CDYL2: variants seen among roughly 807,000 people sequenced by gnomAD.
The protein encoded by CDYL2 is chromodomain Y like 2.
Under a neutral mutation model 49.4 loss-of-function variants are expected in CDYL2, and 23 were observed. That is an observed-to-expected ratio of 0.47 (90% CI 0.34 to 0.66). The LOEUF (loss-of-function observed/expected upper bound fraction) is 0.66. Ranked by LOEUF, CDYL2 falls within the 30% of genes least tolerant of loss-of-function variation. CDYL2 has a pLI of 0.01. For synonymous variants in CDYL2, 360 were observed against 268.8 expected (o/e 1.34, Z -3.32); for missense variants, 678 against 656.4 (o/e 1.03, Z -0.36).
chr16:80,709,328 G>A (rs1352079506), intron 1 of CDYL2, among the ~76,000 whole-genome samples: 2 of 147,760 alleles, frequency 1.4e-5, no homozygotes, highest in Non-Finnish European at 2.9e-5. Context: ...GTTGCAGTGA[G>A]CCAAGATCGT....
At chr16:80,617,839 C>CA (rs1906900310) in intron 4 of CDYL2, among the ~76,000 whole-genome samples, 1 of 152,208 alleles carries the variant, frequency 6.6e-6, no homozygotes, top group African/African-American at 2.4e-5. Flanking sequence ...TGCTCTCAAT[C>CA]AGTGGTGCAG....
At chr16:80,664,461 G>A (rs764759565) in intron 2 of CDYL2, among the ~76,000 whole-genome samples, 8 of 152,156 alleles carry the variant, frequency 5.3e-5, no homozygotes, top group Non-Finnish European at 1.0e-4. Flanking sequence ...CTTTGCAGCA[G>A]GTCACTGGGG....
rs1905930030 is a variant in CDYL2, at chr16:80,598,366, T to C, written c.*6022A>G. ...GCCTGCTTCATTATCGGAAGTTTGG[T>C]AATAAGCCTTACCAATAGAATACCA... On this transcript the variant is annotated 3_prime_UTR_variant, in exon 7 of 7. Coordinates refer to ENST00000570137, the MANE Select transcript of CDYL2 (RefSeq NM_152342.4). 6.6e-6 allele frequency: 1 copy of C among 152,136 alleles called. No individual in the cohort carries two copies. The allele number at this position is 152,136 out of a possible 1,614,324, so 9.4% of individuals were successfully genotyped here. A position where few individuals can be genotyped will look rare whatever the true frequency, so the allele number is the denominator to read the frequency against.
At chr16:80,611,873 C>A (rs1248678581) in intron 5 of CDYL2, among the ~76,000 whole-genome samples, 2 of 152,230 alleles carry the variant, frequency 1.3e-5, no homozygotes, top group African/African-American at 4.8e-5. Flanking sequence ...AGAATCTGAC[C>A]ACAGCTTACA....
rs184159165 is a variant in CDYL2 at position 80,765,164 on chromosome 16, A to T, written c.24+38986T>A. ...TATAGTACTATATGTTATACAATATATATAATATATTATATAATAATATAC... is the reference window on the plus strand; with the variant it reads ...TATAGTACTATATGTTATACAATATTTATAATATATTATATAATAATATAC... On this transcript the variant is annotated intron_variant, in intron 1 of 6. Transcript: ENST00000570137. Among the ~76,000 whole-genome samples the T allele has an allele frequency of 4.2e-3, 603 of 142,460 alleles. 15 individuals are homozygous for T. Among genetic ancestry groups the T allele is most frequent in the East Asian group, 0.011 (57 of 5,050 alleles). 93.5% of individuals were successfully genotyped at this position (142,460 alleles called of 152,430 possible).
chr16:80,688,897 A>G (rs1910303907), intron 1 of CDYL2, among the ~76,000 whole-genome samples: 1 of 152,130 alleles, frequency 6.6e-6, no homozygotes, highest in Non-Finnish European at 1.5e-5. Context: ...TCCTCACACC[A>G]AAAACAAACA....
At chr16:80,802,218 T>C (rs1907947655) in intron 1 of CDYL2, among the ~76,000 whole-genome samples, 2 of 152,166 alleles carry the variant, frequency 1.3e-5, no homozygotes, top group African/African-American at 4.8e-5. Context: ...AAACTTTAAA[T>C]GGGGAAATAC....
At chr16:80,669,606 G>A (rs1909413971) in intron 2 of CDYL2, among the ~76,000 whole-genome samples, 1 of 152,152 alleles carries the variant, frequency 6.6e-6, no homozygotes, top group South Asian at 2.1e-4. Context: ...TGCCAGAATT[G>A]GGAGCTAGGA....
intron 1 of CDYL2, among the ~76,000 whole-genome samples, chr16:80,715,254 C>T (rs747324032): frequency 6.6e-6 from 1 of 152,158 alleles, no homozygotes; most frequent in Non-Finnish European, 1.5e-5. Context: ...TGATACAGTT[C>T]TGTGTCCTTG....
In CDYL2 at chr16:80,662,035, G is replaced by A. The variant is rs1005814326; in HGVS notation, c.616+22503C>T. Among the ~76,000 whole-genome samples the A allele has an allele frequency of 2.0e-5, 3 of 152,150 alleles. No individual in the cohort carries two copies. The South Asian group carries it at 6.2e-4, about 32-fold the overall frequency. ...TAATGTTCCTAGTATGTTCCTAGTG[G>A]TGCATTCCGTATTCACCTCACTCAC... On this transcript the variant is annotated intron_variant, in intron 2 of 6. Coordinates refer to ENST00000570137, the MANE Select transcript of CDYL2 (RefSeq NM_152342.4).
At chr16:80,704,408 G>C (rs9923180) in intron 1 of CDYL2, among the ~76,000 whole-genome samples, 81,155 of 152,168 alleles carry the variant, frequency 0.53, 23,201 homozygotes, top group Middle Eastern at 0.71. Flanking sequence ...GGCACTGCAG[G>C]AGACACCAGA....
At chr16:80,737,659 G>A (rs1905584368) in intron 1 of CDYL2, among the ~76,000 whole-genome samples, 1 of 152,166 alleles carries the variant, frequency 6.6e-6, no homozygotes, top group African/African-American at 2.4e-5. Context: ...ACTTTGGTGT[G>A]CATCAGGATC....
At chr16:80,784,374 A>G (rs3114395) in intron 1 of CDYL2, among the ~76,000 whole-genome samples, 42,104 of 152,092 alleles carry the variant, frequency 0.28, 6,698 homozygotes, top group East Asian at 0.64. Flanking sequence ...TTATTTTTAA[A>G]AAATATTTAT....
rs1567535102 is a variant in CDYL2, at chr16:80,603,315, C to A, written c.*1073G>T. 1 of 152,206 alleles carries A rather than the reference C, an allele frequency of 6.6e-6. No homozygotes were observed. Among genetic ancestry groups the A allele is most frequent in the African/African-American group, 2.4e-5 (1 of 41,434 alleles). The allele number at this position is 152,206 out of a possible 1,614,324, so 9.4% of individuals were successfully genotyped here. On this transcript the variant is annotated 3_prime_UTR_variant, in exon 7 of 7. Transcript: ENST00000570137. ...AGGGCCTATCCCCACTCCTGCCCAA[C>A]ATCACGCAATTTGGGACTGGGTCTG... is the stretch of plus-strand genomic sequence containing the variant.
chr16:80,714,838 T>A (rs1049178590), intron 1 of CDYL2, among the ~76,000 whole-genome samples: 1 of 152,172 alleles, frequency 6.6e-6, no homozygotes, highest in Non-Finnish European at 1.5e-5. Flanking sequence ...AGCTCCATTT[T>A]TGGAGATCAA....
Position 80,737,569 on chromosome 16 carries a change from G to A in CDYL2, c.25-52440C>T, listed in dbSNP as rs148279438. ...AGCTGTTGCCTGGACTGTTGTTGCT[G>A]CTGTTGCTGCTGCTGCTAGTGGTGG... On this transcript the variant is annotated intron_variant, in intron 1 of 6. Coordinates refer to ENST00000570137, the MANE Select transcript of CDYL2 (RefSeq NM_152342.4). Among the ~76,000 whole-genome samples the A allele has an allele frequency of 1.2e-4, 19 of 152,302 alleles. 1 individual carries two copies. In the East Asian group the frequency reaches 2.3e-3, roughly 19 times the overall value.
chr16:80,690,506 AT>A (rs763040139), intron 1 of CDYL2, among the ~76,000 whole-genome samples: 29 of 152,228 alleles, frequency 1.9e-4, no homozygotes, highest in Non-Finnish European at 4.0e-4. Context: ...TTATTTTCTT[AT>A]TTTTTATATA....
At chr16:80,679,510 C>T (rs1378055015) in intron 2 of CDYL2, among the ~76,000 whole-genome samples, 1 of 152,148 alleles carries the variant, frequency 6.6e-6, no homozygotes, top group African/African-American at 2.4e-5. Context: ...CTTGTAACCT[C>T]GGTCTCCACC....
At chr16:80,660,797 A>C (rs781325245) in intron 2 of CDYL2, among the ~76,000 whole-genome samples, 2 of 152,242 alleles carry the variant, frequency 1.3e-5, no homozygotes, top group Non-Finnish European at 1.5e-5. Context: ...CAATCAATAG[A>C]GAAATGCCAG....
Sources: gnomAD v4.1 joint callset for allele counts (sites outside exome capture counted in the v4.1 genomes callset) on GRCh38, gnomAD v4.1.1 for gene constraint, MANE v1.5 for transcripts, NCBI Gene and HGNC (gene_info 2026-07-23, HGNC 2026-07-21) for gene names.